The following PRELID2 variants were observed in gnomAD, a reference collection of about 807,000 sequenced individuals.
The protein encoded by PRELID2 is PRELI domain containing 2.
Under a neutral mutation model 28.4 loss-of-function variants are expected in PRELID2, and 25 were observed. That is an observed-to-expected ratio of 0.88 (90% confidence interval 0.64 to 1.23). PRELID2 has a LOEUF of 1.23. Among genes scored for constraint, PRELID2 ranks in the 50% most tolerant of loss-of-function variants. The pLI is 0.00. For synonymous variants in PRELID2, 76 were observed against 71.6 expected (o/e 1.06, Z -0.31); for missense variants, 201 against 214.4 (o/e 0.94, Z 0.39).
At chr5:145,302,953 G>T in the PRELID2 span, among the ~76,000 whole-genome samples, 1 of 152,118 alleles carries the variant, frequency 6.6e-6, no homozygotes, top group African/African-American at 2.4e-5. Context: ...GATTTGGGGA[G>T]CATAACACAT....
At chr5:145,387,721 C>G in the PRELID2 span, among the ~76,000 whole-genome samples, 1 of 151,782 alleles carries the variant, frequency 6.6e-6, no homozygotes, top group Non-Finnish European at 1.5e-5. Context: ...TGCTTCAGCC[C>G]AGGAATTTCA....
the PRELID2 span, among the ~76,000 whole-genome samples, chr5:145,339,438 C>T: frequency 3.3e-5 from 5 of 152,052 alleles, no homozygotes; most frequent in Non-Finnish European, 7.4e-5. Flanking sequence ...CCCCTTGACC[C>T]ACACAAGCCT....
At chr5:145,505,900 G>T (rs553283016) in intron 1 of PRELID2, among the ~76,000 whole-genome samples, 2 of 152,104 alleles carry the variant, frequency 1.3e-5, no homozygotes, top group African/African-American at 2.4e-5. Flanking sequence ...GTCACAGAAG[G>T]ACAAATACTG....
the PRELID2 span, among the ~76,000 whole-genome samples, chr5:145,320,376 T>C: frequency 6.6e-6 from 1 of 151,882 alleles, no homozygotes; most frequent in Admixed American, 6.6e-5. Flanking sequence ...CTTCACGCCA[T>C]TCTCCTGCCT....
At chr5:145,716,251 C>T (rs192068817) in intron 1 of PRELID2, among the ~76,000 whole-genome samples, 36 of 152,260 alleles carry the variant, frequency 2.4e-4, no homozygotes, top group African/African-American at 8.2e-4. Context: ...TAGAATAGTG[C>T]CCAGCACATG....
chr5:145,684,501 G>A (rs1269771134), intron 1 of PRELID2, among the ~76,000 whole-genome samples: 1 of 152,146 alleles, frequency 6.6e-6, no homozygotes, highest in East Asian at 1.9e-4. Context: ...TCTTTGGTTA[G>A]CTTTCATTTT....
At chr5:145,463,284 T>A in the PRELID2 span, among the ~76,000 whole-genome samples, 1 of 151,852 alleles carries the variant, frequency 6.6e-6, no homozygotes, top group Non-Finnish European at 1.5e-5. Flanking sequence ...TTTAATCTTT[T>A]TTAAGTTTCA....
the PRELID2 span, among the ~76,000 whole-genome samples, chr5:145,336,983 G>C: frequency 9.2e-6 from 1 of 108,782 alleles, no homozygotes; most frequent in East Asian, 3.2e-4. Flanking sequence ...GAGGGGGGAG[G>C]GATAGCTTTA....
intron 2 of PRELID2, 48 bp from the exon 3 acceptor site, chr5:145,820,066 C>A (rs1479797055): frequency 4.5e-6 from 5 of 1,113,352 alleles, no homozygotes; most frequent in Admixed American, 2.1e-5. Context: ...GAAATGTGTT[C>A]TTTTCTTAGT....
intron 1 of PRELID2, among the ~76,000 whole-genome samples, chr5:145,692,710 T>TA (rs34978091): frequency 6.6e-6 from 1 of 152,222 alleles, no homozygotes; most frequent in African/African-American, 2.4e-5. Flanking sequence ...GACAAGTATT[T>TA]AAAAAACAAT....
intron 1 of PRELID2, among the ~76,000 whole-genome samples, chr5:145,631,899 A>C (rs193117822): frequency 8.5e-5 from 13 of 152,350 alleles, no homozygotes; most frequent in Admixed American, 2.6e-4. Flanking sequence ...GAACATAAAA[A>C]ACTGTACCTC....
intron 1 of PRELID2, among the ~76,000 whole-genome samples, chr5:145,554,978 G>A (rs988524803): frequency 3.3e-5 from 5 of 152,132 alleles, no homozygotes; most frequent in African/African-American, 7.2e-5. Flanking sequence ...ATTTATTATG[G>A]CTCTGGAAAA....
At chr5:145,368,043 T>G in the PRELID2 span, among the ~76,000 whole-genome samples, 1 of 151,950 alleles carries the variant, frequency 6.6e-6, no homozygotes, top group South Asian at 2.1e-4. Flanking sequence ...TTGCTCCACA[T>G]TCTGTCATTC....
chr5:145,829,385 A>G (rs1470233314), intron 1 of PRELID2, among the ~76,000 whole-genome samples: 1 of 152,118 alleles, frequency 6.6e-6, no homozygotes. Context: ...CACTTCTCTC[A>G]GCTTTTTATT....
intron 1 of PRELID2, among the ~76,000 whole-genome samples, chr5:145,489,557 T>C (rs1451520582): frequency 6.6e-6 from 1 of 152,132 alleles, no homozygotes; most frequent in Non-Finnish European, 1.5e-5. Flanking sequence ...AGAAACGAAA[T>C]TGTCATCTTA....
the PRELID2 span, chr5:145,437,044 C>T: frequency 6.6e-6 from 1 of 152,150 alleles, no homozygotes; most frequent in African/African-American, 2.4e-5. Context: ...GCACACCAAC[C>T]ACAGAACCCA....
chr5:145,490,260 T>A (rs1752257439), intron 1 of PRELID2, among the ~76,000 whole-genome samples: 1 of 152,208 alleles, frequency 6.6e-6, no homozygotes. Context: ...TACTCTTGCA[T>A]TTTAAGTCCC....
chr5:145,347,593 T>C, the PRELID2 span, among the ~76,000 whole-genome samples: 6 of 152,158 alleles, frequency 3.9e-5, no homozygotes, highest in Admixed American at 1.3e-4. Flanking sequence ...TTTCTTTTTC[T>C]ATTTTTAGCT....
At chr5:145,650,510 A>C (rs1754271907) in intron 1 of PRELID2, among the ~76,000 whole-genome samples, 1 of 136,466 alleles carries the variant, frequency 7.3e-6, no homozygotes, top group South Asian at 2.4e-4. Flanking sequence ...AATTTTGAGC[A>C]TATCGAATCG....
Sources: allele counts gnomAD v4.1 joint callset (sites outside exome capture counted in the v4.1 genomes callset), GRCh38; gene constraint gnomAD v4.1.1; transcripts MANE v1.5; gene names NCBI Gene and HGNC (gene_info 2026-07-23, HGNC 2026-07-21).